The following WWOX variants were observed in gnomAD, a reference collection of about 807,000 sequenced individuals.
WWOX encodes the protein WW domain containing oxidoreductase.
WWOX carries 69 observed loss-of-function variants against 46.2 expected under a neutral mutation model. The observed-to-expected ratio is 1.49, with a 90% CI of 1.23 to 1.82. WWOX has a LOEUF of 1.82. Ranked by LOEUF, WWOX falls within the 40% of genes most tolerant of loss-of-function variation. The probability of loss-of-function intolerance (pLI) is 0.00; values close to 1 mark genes in which losing one functional copy is unlikely to be tolerated. For synonymous variants in WWOX, 359 were observed against 202.6 expected (o/e 1.77, Z -6.56); for missense variants, 919 against 542.6 (o/e 1.69, Z -6.89).
intron 8 of WWOX, among the ~76,000 whole-genome samples, chr16:78,486,001 A>G (rs927165856): frequency 6.6e-6 from 1 of 152,226 alleles, no homozygotes. Flanking sequence ...GTAGTTGCTG[A>G]AAAGAGTTTG....
At chr16:79,129,432 A>T (rs982861650) in intron 8 of WWOX, among the ~76,000 whole-genome samples, 1 of 149,208 alleles carries the variant, frequency 6.7e-6, no homozygotes, top group Non-Finnish European at 1.5e-5. Context: ...ACGGGAGAAA[A>T]ACCACTTAAA....
chr16:78,686,383 C>T (rs950321862), intron 8 of WWOX, among the ~76,000 whole-genome samples: 5 of 151,820 alleles, frequency 3.3e-5, no homozygotes, highest in African/African-American at 7.3e-5. Context: ...TGGTGGCGGG[C>T]GCCTGTAGTC....
At chr16:78,115,268 CT>C in intron 4 of WWOX, 114 bp downstream of exon 4, 2 of 1,272,514 alleles carry the variant, frequency 1.6e-6, no homozygotes, top group Non-Finnish European at 2.3e-6. Flanking sequence ...GACTTTTATC[CT>C]TTTCAGATAT....
At chr16:78,571,303 C>A (rs533173183) in intron 8 of WWOX, among the ~76,000 whole-genome samples, 15 of 152,304 alleles carry the variant, frequency 9.8e-5, no homozygotes, top group African/African-American at 3.6e-4. Context: ...CAAGGTCATA[C>A]ACCCAGTACA....
At chr16:78,633,271 C>T (rs911480857) in intron 8 of WWOX, among the ~76,000 whole-genome samples, 1 of 151,988 alleles carries the variant, frequency 6.6e-6, no homozygotes, top group Non-Finnish European at 1.5e-5. Flanking sequence ...CAAAACAAAA[C>T]AAAACAAAAA....
At chr16:78,781,885 C>T (rs1597600040) in intron 8 of WWOX, among the ~76,000 whole-genome samples, 1 of 152,234 alleles carries the variant, frequency 6.6e-6, no homozygotes, top group East Asian at 1.9e-4. Flanking sequence ...CTTATTTGCT[C>T]CATGCAATGT....
intron 8 of WWOX, among the ~76,000 whole-genome samples, chr16:78,802,474 G>A (rs966926605): frequency 5.3e-5 from 8 of 151,830 alleles, no homozygotes; most frequent in Non-Finnish European, 1.0e-4. Flanking sequence ...ATATTAATCT[G>A]GAATTTTATG....
intron 5 of WWOX, among the ~76,000 whole-genome samples, chr16:78,318,453 CTGT>C (rs144799760): frequency 0.035 from 5,339 of 152,098 alleles, 127 homozygotes; most frequent in Non-Finnish European, 0.055. Flanking sequence ...TAATATTATT[CTGT>C]TGTTTCCTAA....
At chr16:78,877,278 TC>T (rs34589667) in intron 8 of WWOX, among the ~76,000 whole-genome samples, 42,230 of 149,312 alleles carry the variant, frequency 0.28, 6,229 homozygotes, top group Middle Eastern at 0.44. Context: ...CCTGCCTGCC[TC>T]CCCCCCTCTG....
At chr16:78,881,576 G>C (rs193197698) in intron 8 of WWOX, among the ~76,000 whole-genome samples, 62 of 152,260 alleles carry the variant, frequency 4.1e-4, no homozygotes, top group Non-Finnish European at 7.1e-4. Context: ...TTGCTGTCTA[G>C]CTTTAAGATC....
chr16:78,442,458 C>A (rs768343393), intron 8 of WWOX, among the ~76,000 whole-genome samples: 8 of 152,158 alleles, frequency 5.3e-5, no homozygotes, highest in Non-Finnish European at 1.2e-4. Context: ...CACTTCCCCA[C>A]TACCAGCCCC....
intron 4 of WWOX, chr16:78,124,453 A>G (rs1434811671): frequency 6.6e-6 from 1 of 152,192 alleles, no homozygotes; most frequent in Non-Finnish European, 1.5e-5. Context: ...TAGCCTATAC[A>G]TGAGTAGATA....
chr16:78,801,393 C>T (rs1391311678), intron 8 of WWOX, among the ~76,000 whole-genome samples: 3 of 152,104 alleles, frequency 2.0e-5, no homozygotes, highest in Admixed American at 6.6e-5. Flanking sequence ...GCTATAATCC[C>T]AGCTACTCAG....
intron 5 of WWOX, chr16:78,179,593 T>C (rs533346247): frequency 1.3e-5 from 2 of 152,218 alleles, no homozygotes; most frequent in Admixed American, 6.5e-5. Context: ...ATAATAATAA[T>C]AATAACAGTA....
chr16:78,411,496 A>G (rs781006403), intron 6 of WWOX, among the ~76,000 whole-genome samples: 3 of 152,170 alleles, frequency 2.0e-5, no homozygotes, highest in East Asian at 1.9e-4. Context: ...GTACTCATCC[A>G]TGGGGCAGTG....
chr16:78,319,633 C>T (rs947352361), intron 5 of WWOX, among the ~76,000 whole-genome samples: 6 of 152,200 alleles, frequency 3.9e-5, no homozygotes, highest in African/African-American at 9.6e-5. Flanking sequence ...TATTTCAAGC[C>T]GTGAATTTCT....
chr16:78,691,197 C>T lies in WWOX; in HGVS notation c.1056+258445C>T, dbSNP rs1011386371. On this transcript the variant is annotated intron_variant, in intron 8 of 8. Coordinates refer to ENST00000566780, the MANE Select transcript of WWOX (RefSeq NM_016373.4). ...TGCGATAAGAGAATAGATGTAGGTC[C>T]AGCGCCTAGAATTTTAGCTATGCTT... 11 of 701,620 alleles carry T rather than the reference C, an allele frequency of 1.6e-5. No homozygotes were observed. The African/African-American group carries it at 1.7e-4, about 11-fold the overall frequency. The allele number at this position is 701,620 out of a possible 1,614,324, so 43.5% of individuals were successfully genotyped here. A position where few individuals can be genotyped will look rare whatever the true frequency, so the allele number is the denominator to read the frequency against.
intron 4 of WWOX, among the ~76,000 whole-genome samples, chr16:78,154,483 ATCTTTT>A (rs2034528485): frequency 1.1e-5 from 1 of 93,744 alleles, no homozygotes; most frequent in African/African-American, 4.4e-5. Flanking sequence ...CCAATCCTTG[ATCTTTT>A]TTTTTTTTTT....
chr16:78,408,901 G>A (rs2082608815), intron 6 of WWOX, among the ~76,000 whole-genome samples: 1 of 152,156 alleles, frequency 6.6e-6, no homozygotes, highest in South Asian at 2.1e-4. Context: ...GGGTATAAGT[G>A]TGTAAGCAGG....
Sources: allele counts gnomAD v4.1 joint callset (sites outside exome capture counted in the v4.1 genomes callset), GRCh38; gene constraint gnomAD v4.1.1; transcripts MANE v1.5; gene names NCBI Gene and HGNC (gene_info 2026-07-23, HGNC 2026-07-21).